The following KRCC1 variants were observed in gnomAD, a reference collection of about 807,000 sequenced individuals.
The protein encoded by KRCC1 is lysine rich coiled-coil 1.
KRCC1 carries 3 observed loss-of-function variants against 7.4 expected under a neutral mutation model. The ratio of observed to expected loss-of-function variants is 0.40; its 90% CI spans 0.18 to 1.04. The LOEUF is 1.04. KRCC1 is among the 50% of genes least tolerant of loss of function. The pLI is 0.33. For synonymous variants in KRCC1, 102 were observed against 101.6 expected (o/e 1.00, Z -0.02); for missense variants, 277 against 300.9 (o/e 0.92, Z 0.59).
Position 88,027,885 on chromosome 2 carries a change from A to AG in KRCC1, c.678dup (p.Ser227LeufsTer2). ...GTACGCTTACGTTCCTCTTTCTTAG[A>AG]GACTACATCTCGGCTTTTTTTCTCC... On this transcript the variant is annotated frameshift_variant, in exon 4 of 4. Transcript: ENST00000347055. LOFTEE classifies it high-confidence loss of function. The AG allele has an allele frequency of 6.2e-7, 1 of 1,613,904 alleles. No homozygotes were observed. Among genetic ancestry groups the AG allele is most frequent in the Non-Finnish European group, 8.5e-7 (1 of 1,179,982 alleles).
chr2:88,037,336 A>C (rs1037042571), intron 1 of KRCC1, among the ~76,000 whole-genome samples: 8 of 152,348 alleles, frequency 5.3e-5, no homozygotes, highest in Admixed American at 3.3e-4. Context: ...TAAGAAATCC[A>C]GTCTTGGCAT....
intron 1 of KRCC1, among the ~76,000 whole-genome samples, chr2:88,040,420 T>TAA (rs1260216547): frequency 1.3e-5 from 2 of 152,192 alleles, no homozygotes; most frequent in African/African-American, 4.8e-5. Flanking sequence ...TATCACTACT[T>TAA]ATTGAGTTTG....
At chr2:88,053,331 T>A (rs995256768) in intron 1 of KRCC1, among the ~76,000 whole-genome samples, 4 of 152,256 alleles carry the variant, frequency 2.6e-5, no homozygotes, top group Non-Finnish European at 5.9e-5. Context: ...GCTAGTACTG[T>A]GTGAACTGAC....
intron 3 of KRCC1, 59 bp from the exon 4 acceptor site, chr2:88,028,644 CTTTTTTT>C: frequency 9.9e-6 from 5 of 502,746 alleles, no homozygotes; most frequent in African/African-American, 2.3e-5. Flanking sequence ...TTCCTTTGCT[CTTTTTTT>C]TTTTTTTTTT....
chr2:88,027,830 C>T lies in KRCC1; in HGVS notation c.734G>A (p.Arg245Lys). The change falls in exon 4 of 4, where the codon AGG becomes AAG. Residue 245 changes from arginine to lysine, a missense_variant. Arg to Lys is a conservative substitution (Grantham distance 26). Transcript: ENST00000347055. ...GTCCCAAAGCATTTCCTCCTCTGTC[C>T]TTTCTTGGCCTTGTTCCTTTTTCTT... ...TKKKKEQGQE[R>K]TEEEMLWDQS... 6.2e-7 allele frequency: 1 copy of T among 1,602,488 alleles called. No homozygotes were observed. Among genetic ancestry groups the T allele is most frequent in the Non-Finnish European group, 8.5e-7 (1 of 1,177,018 alleles).
chr2:88,039,682 T>C (rs1349118514), intron 1 of KRCC1, among the ~76,000 whole-genome samples: 4 of 151,596 alleles, frequency 2.6e-5, no homozygotes, highest in African/African-American at 9.7e-5. Context: ...AGTGAGACTG[T>C]CTCAGAAAAT....
chr2:88,043,783 C>T (rs1673267896), intron 1 of KRCC1, among the ~76,000 whole-genome samples: 1 of 152,182 alleles, frequency 6.6e-6, no homozygotes, highest in South Asian at 2.1e-4. Flanking sequence ...GGTTCTCCTG[C>T]CTCAGCCTCC....
intron 1 of KRCC1, among the ~76,000 whole-genome samples, chr2:88,039,652 C>T (rs1039531048): frequency 3.9e-5 from 6 of 151,964 alleles, no homozygotes; most frequent in Non-Finnish European, 8.8e-5. Context: ...TGCGCCACTG[C>T]GTTCCAGCCT....
rs1370244999 is a variant in KRCC1 at position 88,028,337 on chromosome 2, T to C, written c.227A>G (p.Asn76Ser). Residue 76 changes from asparagine to serine, a missense_variant, in exon 4 of 4, where the codon AAT becomes AGT. Physicochemically the swap from Asn to Ser is conservative, Grantham distance 46. Transcript: ENST00000347055. The stretch of plus-strand genomic sequence containing the variant: ...CCGATTTTCCACTGTTTGTGGAATA[T>C]TGCATGATCTTGGGTAGGTCTGGAT... ...ETIQTYPRSC[N>S]IPQTVENRLP... is the part of the protein sequence containing the mutation. 1.5e-5 allele frequency: 25 copies of C among 1,614,062 alleles called. No homozygotes were observed. The highest frequency in any genetic ancestry group is 2.0e-5 in the Non-Finnish European group (24 of 1,180,042).
Position 88,028,279 on chromosome 2 carries a change from TC to T in KRCC1, c.284del (p.Arg95AsnfsTer2). On this transcript the variant is annotated frameshift_variant, in exon 4 of 4. Coordinates refer to ENST00000347055, the MANE Select transcript of KRCC1 (RefSeq NM_016618.3). LOFTEE classifies it low-confidence loss of function (END_TRUNC). ...LPQWLPAHDS[R>X]LRLDSLSYCQ... ...AGTAGCTCAGAGAGTCTAGTCTCAA[TC>T]TGCTGTCATGGGCTGGTAACCACTG... The T allele has an allele frequency of 6.2e-7, 1 of 1,614,210 alleles. No individual in the cohort carries two copies. Among genetic ancestry groups the T allele is most frequent in the East Asian group, 2.2e-5 (1 of 44,880 alleles).
intron 3 of KRCC1, among the ~76,000 whole-genome samples, chr2:88,031,212 C>A (rs1016579636): frequency 2.0e-5 from 3 of 152,094 alleles, no homozygotes; most frequent in Non-Finnish European, 2.9e-5. Flanking sequence ...TGAAGACCCC[C>A]CAGTGGGACA....
At chr2:88,041,190 C>T (rs1040536760) in intron 1 of KRCC1, among the ~76,000 whole-genome samples, 8 of 152,042 alleles carry the variant, frequency 5.3e-5, no homozygotes, top group Non-Finnish European at 8.8e-5. Context: ...GAGAGATATT[C>T]TAAAGGTGGA....
intron 3 of KRCC1, among the ~76,000 whole-genome samples, chr2:88,030,984 C>A (rs1291288494): frequency 6.6e-6 from 1 of 152,060 alleles, no homozygotes; most frequent in East Asian, 1.9e-4. Context: ...TACTATACTG[C>A]CATATAAAAG....
intron 2 of KRCC1, among the ~76,000 whole-genome samples, chr2:88,035,220 T>A (rs1303905662): frequency 6.6e-6 from 1 of 152,220 alleles, no homozygotes; most frequent in Non-Finnish European, 1.5e-5. Context: ...TGACAGAGAC[T>A]ACCAGTTGCC....
At chr2:88,029,742 G>C (rs1293127096) in intron 3 of KRCC1, among the ~76,000 whole-genome samples, 1 of 151,140 alleles carries the variant, frequency 6.6e-6, no homozygotes, top group African/African-American at 2.4e-5. Context: ...GGGCAAGACT[G>C]TTCCTGATTC....
At chr2:88,028,663 T>C (rs1672931940) in intron 3 of KRCC1, 78 bp from the exon 4 acceptor site, 1 of 814,464 alleles carries the variant, frequency 1.2e-6, no homozygotes, top group Non-Finnish European at 1.8e-6. Flanking sequence ...TTTTTTTTTT[T>C]TCTTGAGATG....
intron 1 of KRCC1, among the ~76,000 whole-genome samples, chr2:88,045,487 T>C (rs12468007): frequency 0.022 from 3,303 of 152,236 alleles, 214 homozygotes; most frequent in East Asian, 0.13. Flanking sequence ...TACTGTATGA[T>C]TCTATTTATA....
At chr2:88,028,676 G>GTCT in intron 3 of KRCC1, 91 bp from the exon 4 acceptor site, 3 of 699,378 alleles carry the variant, frequency 4.3e-6, no homozygotes, top group Middle Eastern at 4.1e-4. Context: ...TTGAGATGGC[G>GTCT]TCTCGCCCTG....
intron 1 of KRCC1, among the ~76,000 whole-genome samples, chr2:88,053,749 T>G (rs779102856): frequency 6.6e-6 from 1 of 152,196 alleles, no homozygotes; most frequent in East Asian, 1.9e-4. Flanking sequence ...ACAAAGTCAA[T>G]TGTGTAAAAT....
Sources: gnomAD v4.1 joint callset for allele counts (sites outside exome capture counted in the v4.1 genomes callset) on GRCh38, gnomAD v4.1.1 for gene constraint, MANE v1.5 for transcripts, NCBI Gene and HGNC (gene_info 2026-07-23, HGNC 2026-07-21) for gene names.